EPS15: variants seen among roughly 807,000 people sequenced by gnomAD.
EPS15 encodes epidermal growth factor receptor pathway substrate 15.
EPS15 carries 72 observed loss-of-function variants against 113.8 expected under a neutral mutation model. That is an observed-to-expected ratio of 0.63 (90% CI 0.52 to 0.77). The LOEUF (loss-of-function observed/expected upper bound fraction) is 0.77. EPS15 is among the 30% of genes least tolerant of loss of function. EPS15 has a pLI of 0.00. For missense variants in EPS15, 1,048 were observed against 1,045.8 expected (o/e 1.00, Z -0.03); for synonymous variants, 344 against 363.4 (o/e 0.95, Z 0.61).
chr1:51,471,187 A>G (rs1655209400), intron 4 of EPS15, among the ~76,000 whole-genome samples: 1 of 152,200 alleles, frequency 6.6e-6, no homozygotes, highest in South Asian at 2.1e-4. Flanking sequence ...AGAACTTCAG[A>G]GTACACTGAT....
chr1:51,501,110 T>C (rs1644404044), intron 1 of EPS15, among the ~76,000 whole-genome samples: 1 of 152,104 alleles, frequency 6.6e-6, no homozygotes, highest in South Asian at 2.1e-4. Context: ...GTTCCATAAA[T>C]GTAAAACCTT....
chr1:51,443,775 C>A (rs991028499), intron 11 of EPS15, among the ~76,000 whole-genome samples: 1 of 151,972 alleles, frequency 6.6e-6, no homozygotes, highest in Non-Finnish European at 1.5e-5. Context: ...GCCTCAGCCT[C>A]CCGAGTAGCT....
intron 14 of EPS15, among the ~76,000 whole-genome samples, chr1:51,408,779 C>T (rs892059183): frequency 2.7e-5 from 4 of 150,626 alleles, no homozygotes; most frequent in African/African-American, 9.8e-5. Context: ...AGATGTGGGC[C>T]ACCACGCCTG....
At position 51,356,570 on chromosome 1, in the gene EPS15, T is replaced by C. The variant is rs1044912663; in HGVS notation, c.*130A>G. The C allele has an allele frequency of 5.5e-6, 4 of 725,732 alleles. No individual in the cohort carries two copies. The highest frequency in any genetic ancestry group is 6.3e-4 in the Middle Eastern group (2 of 3,194). 45.0% of individuals were successfully genotyped at this position (725,732 alleles called of 1,614,324 possible). On this transcript the variant is annotated 3_prime_UTR_variant, in exon 25 of 25. Coordinates refer to ENST00000371733, the MANE Select transcript of EPS15 (RefSeq NM_001981.3). ...AAGAAAAAAAAAAAATCCTAAAATTTTGTCACATTTACAGGAATCTCAAAC... is the reference window on the plus strand; with the variant it reads ...AAGAAAAAAAAAAAATCCTAAAATTCTGTCACATTTACAGGAATCTCAAAC...
chr1:51,459,941 T>C (rs1431131285), intron 8 of EPS15, among the ~76,000 whole-genome samples: 1 of 151,872 alleles, frequency 6.6e-6, no homozygotes, highest in Non-Finnish European at 1.5e-5. Flanking sequence ...CTCCGAGAAA[T>C]TTAAAATAAA....
Position 51,440,361 on chromosome 1 carries a change from T to C in EPS15, c.1026A>G (p.Ile342Met). The change falls in exon 12 of 25, where the codon ATA becomes ATG. Residue 342 changes from isoleucine to methionine, a missense_variant. Transcript: ENST00000371733. Reference sequence around the variant, plus strand: ...GCTTTACATACCTCTGTAGGTCAACTATTTCATTGTTAAGAGTATCTAGTT... The same window carrying C: ...GCTTTACATACCTCTGTAGGTCAACCATTTCATTGTTAAGAGTATCTAGTT... Reference protein sequence around the residue: ...IKELDTLNNEIVDLQREKNNV... With the variant: ...IKELDTLNNEMVDLQREKNNV... 6.4e-7 allele frequency: 1 copy of C among 1,565,026 alleles called. No homozygotes were observed. The highest frequency in any genetic ancestry group is 8.7e-7 in the Non-Finnish European group (1 of 1,143,540).
In EPS15 at chr1:51,409,542, G is replaced by C; in HGVS notation, c.1268C>G (p.Ala423Gly). 1 of 1,609,238 alleles carries C rather than the reference G, an allele frequency of 6.2e-7. No individual in the cohort carries two copies. Among genetic ancestry groups the C allele is most frequent in the African/African-American group, 1.3e-5 (1 of 74,460 alleles). Residue 423 changes from alanine to glycine, a missense_variant, in exon 14 of 25, where the codon GCC (alanine) becomes GGC (glycine). By Grantham distance (60) the Ala-to-Gly change is moderately conservative. Transcript: ENST00000371733. ...KEVRKKCAEE[A>G]QLISSLKAEL... ...GAAACAGCCAGACATTACCAGTTGG[G>C]CCTCCTCAGCACATTTCTTTCTGAC...
intron 8 of EPS15, among the ~76,000 whole-genome samples, chr1:51,452,449 A>AT (rs1486311069): frequency 6.6e-6 from 1 of 151,946 alleles, no homozygotes; most frequent in Non-Finnish European, 1.5e-5. Context: ...TGCCTGGCTA[A>AT]TTTTTTTATG....
intron 1 of EPS15, among the ~76,000 whole-genome samples, chr1:51,500,037 G>A (rs1046634440): frequency 1.3e-5 from 2 of 152,054 alleles, no homozygotes; most frequent in African/African-American, 4.8e-5. Context: ...ACATGTAATC[G>A]TACAATATTT....
chr1:51,382,821 T>A (rs1422231428), intron 21 of EPS15, among the ~76,000 whole-genome samples: 3 of 152,120 alleles, frequency 2.0e-5, no homozygotes, highest in Non-Finnish European at 4.4e-5. Flanking sequence ...TAAAGTATAA[T>A]CAAAACCAGT....
intron 2 of EPS15, among the ~76,000 whole-genome samples, chr1:51,477,574 T>G (rs1643934059): frequency 6.6e-6 from 1 of 152,224 alleles, no homozygotes; most frequent in African/African-American, 2.4e-5. Flanking sequence ...CTTTCCTGCT[T>G]TCTCTTGTGG....
In EPS15 at chr1:51,357,376, G is replaced by GAAAAAAA. The variant is rs56655497; in HGVS notation, c.2545-537_2545-531dup. ...TGGGTGACAAAGTGAGATTCCATCT[G>GAAAAAAA]AAAAAAAAAAAAAAAATATATATAT... On this transcript the variant is annotated intron_variant, in intron 24 of 24. Transcript: ENST00000371733. 1.1e-3 allele frequency among the ~76,000 whole-genome samples: 37 copies of GAAAAAAA among 33,114 alleles called. 3 individuals are homozygous for GAAAAAAA. The highest frequency in any genetic ancestry group is 5.4e-3 in the African/African-American group (28 of 5,162). 21.7% of individuals were successfully genotyped at this position (33,114 alleles called of 152,430 possible).
chr1:51,415,554 T>C (rs920022492), intron 13 of EPS15, among the ~76,000 whole-genome samples: 4 of 152,044 alleles, frequency 2.6e-5, no homozygotes, highest in Non-Finnish European at 5.9e-5. Flanking sequence ...CTCAGCACTT[T>C]GGGAGGCTGA....
intron 10 of EPS15, 110 bp from the exon 11 acceptor site, chr1:51,445,155 A>G (rs1652919821): frequency 2.1e-6 from 2 of 940,732 alleles, no homozygotes; most frequent in Admixed American, 2.5e-5. Context: ...ATTTAAAAAG[A>G]CAGTCACACC....
At chr1:51,409,721 T>G (rs1275543650) in intron 13 of EPS15, 25 bp from the exon 14 acceptor site, 2 of 1,535,514 alleles carry the variant, frequency 1.3e-6, no homozygotes, top group Non-Finnish European at 1.8e-6. Flanking sequence ...AATTAATATA[T>G]TTATTTTCTT....
intron 21 of EPS15, among the ~76,000 whole-genome samples, chr1:51,388,504 C>A (rs1260671740): frequency 1.3e-5 from 2 of 152,096 alleles, no homozygotes; most frequent in Non-Finnish European, 2.9e-5. Context: ...CAAAAAAGCC[C>A]TTCAAAATAT....
intron 1 of EPS15, among the ~76,000 whole-genome samples, chr1:51,509,482 T>C (rs1644580804): frequency 1.3e-5 from 2 of 152,188 alleles, no homozygotes; most frequent in Non-Finnish European, 2.9e-5. Context: ...AAAATGTTCA[T>C]CTGAGGATCA....
At chr1:51,364,095 A>G in intron 22 of EPS15, 67 bp from the exon 23 acceptor site, 2 of 1,215,460 alleles carry the variant, frequency 1.6e-6, no homozygotes, top group South Asian at 1.7e-5. Context: ...TGTAGCATTC[A>G]GAATAATGAT....
chr1:51,412,934 CT>C (rs1557444502), intron 13 of EPS15, among the ~76,000 whole-genome samples: 1 of 152,210 alleles, frequency 6.6e-6, no homozygotes, highest in African/African-American at 2.4e-5. Flanking sequence ...AAATAACTCA[CT>C]GCAAAGGATA....
Sources: gnomAD v4.1 joint callset for allele counts (sites outside exome capture counted in the v4.1 genomes callset) on GRCh38, gnomAD v4.1.1 for gene constraint, MANE v1.5 for transcripts, NCBI Gene and HGNC (gene_info 2026-07-23, HGNC 2026-07-21) for gene names.